Variants in MAST2 observed in about 807,000 individuals in gnomAD.
MAST2 encodes the protein microtubule-associated serine/threonine-protein kinase 2.
Under a neutral mutation model 147.4 loss-of-function variants are expected in MAST2, and 70 were observed. The observed-to-expected ratio is 0.47, with a 90% confidence interval of 0.39 to 0.58. The LOEUF (loss-of-function observed/expected upper bound fraction) is 0.58. MAST2 is among the 20% of genes least tolerant of loss of function. The probability of loss-of-function intolerance (pLI) is 0.00; values close to 1 mark genes in which losing one functional copy is unlikely to be tolerated. For missense variants in MAST2, 2,080 were observed against 2,302.3 expected, an observed-to-expected ratio of 0.90 and a Z score of 1.98; for synonymous variants, 869 against 896.8, an observed-to-expected ratio of 0.97 and a Z score of 0.55.
At position 46,031,509 on chromosome 1, in the gene MAST2, G is replaced by A; in HGVS notation, c.3111G>A (p.Glu1037=). Residue 1037 remains glutamate, a synonymous_variant, in exon 24 of 29, where the codon GAG becomes GAA. Transcript: ENST00000361297. The surrounding 1 kb of genome is among the most constrained non-coding windows in gnomAD (Gnocchi z 4.1). ...RHRLLSGDST[E]KRTARPVNKV... ...GGCTGCTCTCTGGGGACTCAACAGAGAAGCGCACTGCTCGCCCTGTCAACA... is the reference window on the plus strand; with the variant it reads ...GGCTGCTCTCTGGGGACTCAACAGAAAAGCGCACTGCTCGCCCTGTCAACA... 1 of 1,614,194 alleles carries A rather than the reference G, an allele frequency of 6.2e-7. No individual in the cohort carries two copies. Among genetic ancestry groups the A allele is most frequent in the Non-Finnish European group, 8.5e-7 (1 of 1,180,032 alleles).
chr1:45,946,938 G>A (rs1019960762), intron 4 of MAST2, among the ~76,000 whole-genome samples: 4 of 152,052 alleles, frequency 2.6e-5, no homozygotes, highest in Admixed American at 6.6e-5. Flanking sequence ...CTGTCCTCTC[G>A]TCCATGAAGT....
At chr1:45,825,731 C>T (rs983232698) in intron 2 of MAST2, among the ~76,000 whole-genome samples, 2 of 151,866 alleles carry the variant, frequency 1.3e-5, no homozygotes, top group African/African-American at 4.8e-5. Context: ...AGCCACCACG[C>T]CTGCCTGGGA....
At chr1:45,828,166 T>C (rs907325920) in intron 2 of MAST2, among the ~76,000 whole-genome samples, 10 of 152,204 alleles carry the variant, frequency 6.6e-5, no homozygotes, top group Non-Finnish European at 8.8e-5. Flanking sequence ...CTTCTATGTC[T>C]TAATTTTCTT....
At chr1:46,021,722 G>A (rs1207996822) in intron 11 of MAST2, among the ~76,000 whole-genome samples, 1 of 152,222 alleles carries the variant, frequency 6.6e-6, no homozygotes, top group Non-Finnish European at 1.5e-5. Context: ...TTACTGCCAG[G>A]AAGACAGCAT....
chr1:45,858,133 T>TG (rs1645854419), intron 3 of MAST2, among the ~76,000 whole-genome samples: 1 of 152,154 alleles, frequency 6.6e-6, no homozygotes, highest in Admixed American at 6.5e-5. Context: ...TACCCAGTAA[T>TG]GGGATTACTG....
Position 45,847,607 on chromosome 1 carries a change from A to G in MAST2, c.468+18026A>G. 6 of 755,112 alleles carry G rather than the reference A, an allele frequency of 7.9e-6. No homozygotes were observed. The South Asian group carries it at 9.3e-5, about 12-fold the overall frequency. The allele number at this position is 755,112 out of a possible 1,614,324, so 46.8% of individuals were successfully genotyped here. On this transcript the variant is annotated intron_variant, in intron 3 of 28. Coordinates refer to ENST00000361297, the MANE Select transcript of MAST2 (RefSeq NM_015112.3). The stretch of plus-strand genomic sequence containing the variant: ...ACTTTTTCCCTTTGGTGCTTTAGGT[A>G]TAGTGACGTCCTCGCGGCCACAGAG...
chr1:45,887,217 C>T (rs775166017), intron 4 of MAST2, among the ~76,000 whole-genome samples: 36 of 152,108 alleles, frequency 2.4e-4, no homozygotes, highest in Admixed American at 3.9e-4. Flanking sequence ...CTCCAGTTAC[C>T]CTGAAAGTAA....
At chr1:45,958,623 T>C (rs1659987854) in intron 4 of MAST2, among the ~76,000 whole-genome samples, 1 of 151,848 alleles carries the variant, frequency 6.6e-6, no homozygotes, top group Admixed American at 6.6e-5. Context: ...ACTCCAGTTA[T>C]GAGGATAGAG....
chr1:45,809,542 C>T (rs905413270), intron 1 of MAST2, among the ~76,000 whole-genome samples: 1 of 152,118 alleles, frequency 6.6e-6, no homozygotes, highest in Non-Finnish European at 1.5e-5. Flanking sequence ...ACTTGGGAGG[C>T]TGAGGTGGGA....
intron 4 of MAST2, among the ~76,000 whole-genome samples, chr1:45,898,049 C>T (rs978598249): frequency 1.3e-5 from 2 of 152,076 alleles, no homozygotes; most frequent in African/African-American, 2.4e-5. Context: ...GTGGAGGTTG[C>T]AGGGAGCCGA....
chr1:45,828,805 T>C (rs1276341256), intron 2 of MAST2, among the ~76,000 whole-genome samples: 3 of 152,012 alleles, frequency 2.0e-5, no homozygotes, highest in Non-Finnish European at 4.4e-5. Flanking sequence ...ATGCCTGTAG[T>C]CCCAGCTACT....
In MAST2 at chr1:46,031,663, T is replaced by C; in HGVS notation, c.3187+78T>C. 1 of 1,389,568 alleles carries C rather than the reference T, an allele frequency of 7.2e-7. No individual in the cohort carries two copies. Among genetic ancestry groups the C allele is most frequent in the Non-Finnish European group, 9.8e-7 (1 of 1,015,248 alleles). 86.1% of individuals were successfully genotyped at this position (1,389,568 alleles called of 1,614,324 possible). ...CTAGGCCTTGGGAGGGTTCTGCACG[T>C]GGCAGGTGTGTGTGTGTGTGTTAAG... On this transcript the variant is annotated intron_variant, in intron 24 of 28. Coordinates refer to ENST00000361297, the MANE Select transcript of MAST2 (RefSeq NM_015112.3). The surrounding 1 kb of genome is among the most constrained non-coding windows in gnomAD (Gnocchi z 4.1).
At chr1:46,017,340 G>T (rs1377500964) in intron 10 of MAST2, among the ~76,000 whole-genome samples, 7 of 152,126 alleles carry the variant, frequency 4.6e-5, no homozygotes, top group East Asian at 3.8e-4. Context: ...CTAATTAAAC[G>T]AAAGAGCTGC....
At chr1:46,032,898 A>T (rs1171968164) in intron 26 of MAST2, among the ~76,000 whole-genome samples, 180 bp downstream of exon 26, 1 of 151,278 alleles carries the variant, frequency 6.6e-6, no homozygotes, top group Non-Finnish European at 1.5e-5. Context: ...TAGGAGGCTG[A>T]GGCAGGTGGA....
intron 5 of MAST2, among the ~76,000 whole-genome samples, chr1:45,979,837 AAAAC>A (rs1333255782): frequency 6.6e-6 from 1 of 152,196 alleles, no homozygotes; most frequent in Non-Finnish European, 1.5e-5. Flanking sequence ...ACCTGAAACC[AAAAC>A]AAACAAAAAA....
At chr1:45,890,436 G>C (rs1647556645) in intron 4 of MAST2, among the ~76,000 whole-genome samples, 1 of 152,222 alleles carries the variant, frequency 6.6e-6, no homozygotes, top group South Asian at 2.1e-4. Flanking sequence ...CCTTCTTGCT[G>C]TGTGCTCACA....
chr1:45,822,173 G>A (rs1009635826), intron 1 of MAST2, among the ~76,000 whole-genome samples: 12 of 152,064 alleles, frequency 7.9e-5, no homozygotes, highest in African/African-American at 2.9e-4. Flanking sequence ...ACAGGCATGA[G>A]CCACCGTGCC....
chr1:45,970,667 CAAAAA>C (rs754544108), intron 5 of MAST2, among the ~76,000 whole-genome samples: 3 of 72,430 alleles, frequency 4.1e-5, no homozygotes, highest in African/African-American at 5.9e-5. Context: ...GACTCTGTCT[CAAAAA>C]AAAAAAAAAA....
chr1:46,034,020 A>G, intron 27 of MAST2, 53 bp from the exon 28 acceptor site: 2 of 1,606,108 alleles, frequency 1.2e-6, no homozygotes, highest in Non-Finnish European at 1.7e-6. Flanking sequence ...CTGGGGGTCC[A>G]GTGTGTGCTG....
Sources: allele counts gnomAD v4.1 joint callset (sites outside exome capture counted in the v4.1 genomes callset), GRCh38; gene constraint gnomAD v4.1.1; non-coding constraint Gnocchi (gnomAD v3.1); transcripts MANE v1.5; gene names NCBI Gene and HGNC (gene_info 2026-07-23, HGNC 2026-07-21).